HCFC2: variants seen among roughly 807,000 people sequenced by gnomAD.
The protein encoded by HCFC2 is host cell factor 2.
A neutral mutation model predicts 89.2 loss-of-function variants in HCFC2; 18 were observed. The ratio of observed to expected loss-of-function variants is 0.20; its 90% CI spans 0.14 to 0.30. The LOEUF (loss-of-function observed/expected upper bound fraction) is 0.30, where lower values mean the gene tolerates loss of function less well. HCFC2 is among the 10% of genes least tolerant of loss of function. The pLI, the probability that HCFC2 is intolerant of heterozygous loss-of-function variation, is 1.00. For missense variants in HCFC2, 578 were observed against 956.1 expected (o/e 0.60, Z 5.21); for synonymous variants, 308 against 335.7 (o/e 0.92, Z 0.90).
intron 5 of HCFC2, 146 bp downstream of exon 5, chr12:104,080,976 T>A (rs1272720387): frequency 1.8e-6 from 1 of 549,552 alleles, no homozygotes; most frequent in African/African-American, 2.0e-5. Context: ...TAAAATAATT[T>A]GTCTGTAGAA....
Position 104,066,177 on chromosome 12 carries a change from G to T in HCFC2, c.174G>T (p.Gln58His). The T allele has an allele frequency of 6.2e-7, 1 of 1,612,780 alleles. No homozygotes were observed. Among genetic ancestry groups the T allele is most frequent in the Non-Finnish European group, 8.5e-7 (1 of 1,179,654 alleles). Residue 58 changes from glutamine (Q) to histidine (H), a missense_variant, in exon 2 of 15, where the codon CAG becomes CAT. Physicochemically the swap from Gln to His is conservative, Grantham distance 24. This residue lies in a region of HCFC2 where 206 missense variants were observed against 419.2 expected (regional missense o/e 0.49). Coordinates refer to ENST00000229330, the MANE Select transcript of HCFC2 (RefSeq NM_013320.3). ...ELHVYNTATN[Q>H]WFLPAVRGDI... ...TATTTTGGCAACTAGCTACGAATCA[G>T]TGGTTTCTGCCAGCTGTTAGAGGAG...
chr12:104,080,711 G>T, intron 4 of HCFC2, 35 bp from the exon 5 acceptor site: 1 of 1,289,170 alleles, frequency 7.8e-7, no homozygotes, highest in Non-Finnish European at 1.1e-6. Flanking sequence ...ACTCTTGTTA[G>T]ATCAAGTTGC....
rs1883007052 is a variant in HCFC2 at position 104,064,777 on chromosome 12, G to A, written c.163+54G>A. ...GCCTGCTGGAGCTGCGGAGGGGGAG[G>A]GGAGGCGAGGCGGCGGCCGCGGCCC... On this transcript the variant is annotated intron_variant, in intron 1 of 14. Coordinates refer to ENST00000229330, the MANE Select transcript of HCFC2 (RefSeq NM_013320.3). The surrounding 1 kb of genome is among the most constrained non-coding windows in gnomAD (Gnocchi z 7.3). 9.4e-6 allele frequency: 14 copies of A among 1,493,950 alleles called. No homozygotes were observed. The highest frequency in any genetic ancestry group is 1.2e-5 in the Non-Finnish European group (14 of 1,121,722). The allele number at this position is 1,493,950 out of a possible 1,614,324, so 92.5% of individuals were successfully genotyped here.
At chr12:104,082,384 T>A (rs770284399) in intron 5 of HCFC2, 116 bp from the exon 6 acceptor site, 167 of 641,060 alleles carry the variant, frequency 2.6e-4, no homozygotes, top group Non-Finnish European at 4.0e-4. Context: ...GGTAAGCGAA[T>A]GAATAGTTCT....
intron 12 of HCFC2, among the ~76,000 whole-genome samples, chr12:104,097,422 G>A (rs911713888): frequency 6.6e-6 from 1 of 151,978 alleles, no homozygotes; most frequent in Non-Finnish European, 1.5e-5. Context: ...TTGAGTTGGA[G>A]CCAGTTGTTT....
Position 104,103,466 on chromosome 12 carries a change from A to C in HCFC2, c.*193A>C, listed in dbSNP as rs148300201. ...GAAAAGAAGCAAAGACTCTCTGAAA[A>C]TTAGTATATGAGTTCTTCCTTACAG... is the stretch of plus-strand genomic sequence containing the variant. On this transcript the variant is annotated 3_prime_UTR_variant, in exon 15 of 15. Coordinates refer to ENST00000229330, the MANE Select transcript of HCFC2 (RefSeq NM_013320.3). The C allele has an allele frequency of 5.4e-4, 297 of 552,522 alleles. 1 individual carries two copies. Among genetic ancestry groups the C allele is most frequent in the African/African-American group, 5.2e-3 (275 of 53,148 alleles). The allele number at this position is 552,522 out of a possible 1,614,324, so 34.2% of individuals were successfully genotyped here.
intron 3 of HCFC2, among the ~76,000 whole-genome samples, chr12:104,069,592 G>A (rs542548854): frequency 2.7e-5 from 4 of 148,862 alleles, no homozygotes; most frequent in Non-Finnish European, 5.9e-5. Flanking sequence ...GTCTTATTTC[G>A]CTTACCATAA....
chr12:104,079,354 G>GT, intron 3 of HCFC2, 91 bp from the exon 4 acceptor site: 2 of 1,057,134 alleles, frequency 1.9e-6, no homozygotes, highest in Non-Finnish European at 2.7e-6. Context: ...ACTTTTCACA[G>GT]TAAGCACATT....
rs577898480 is a variant in HCFC2 at position 104,090,423 on chromosome 12, C to G, written c.1284+2385C>G. On this transcript the variant is annotated intron_variant, in intron 9 of 14. Transcript: ENST00000229330. Reference sequence around the variant, plus strand: ...GAGTGCATGTCTTCATTTGGTGTGCCTCACCCAGTGGATCCCATTGTTCGG... The same window carrying G: ...GAGTGCATGTCTTCATTTGGTGTGCGTCACCCAGTGGATCCCATTGTTCGG... 1.1e-4 allele frequency among the ~76,000 whole-genome samples: 17 copies of G among 152,134 alleles called. 1 individual carries two copies. The highest frequency in any genetic ancestry group is 4.1e-4 in the African/African-American group (17 of 41,528).
intron 1 of HCFC2, chr12:104,065,359 C>G (rs1359308865): frequency 6.6e-6 from 1 of 152,344 alleles, no homozygotes; most frequent in African/African-American, 2.4e-5. Context: ...TTGAGCACCA[C>G]TGCAGATCAC....
At chr12:104,065,127 T>G (rs931900903) in intron 1 of HCFC2, 4 of 157,938 alleles carry the variant, frequency 2.5e-5, no homozygotes, top group African/African-American at 7.2e-5. Flanking sequence ...TTGCCTGCCT[T>G]CCTTCCTTAG....
At position 104,084,965 on chromosome 12, in the gene HCFC2, A is replaced by G. The variant is rs529007513; in HGVS notation, c.1064-1882A>G. On this transcript the variant is annotated intron_variant, in intron 7 of 14. Transcript: ENST00000229330. ...GGAGAAAATCAAGAGTTCCATTTAGACCATGCTAAGTTTGAAATAAGATCA... is the reference window on the plus strand; with the variant it reads ...GGAGAAAATCAAGAGTTCCATTTAGGCCATGCTAAGTTTGAAATAAGATCA... Among the ~76,000 whole-genome samples the G allele has an allele frequency of 2.0e-4, 31 of 152,288 alleles. 1 individual carries two copies. The South Asian group carries it at 6.2e-3, about 31-fold the overall frequency.
chr12:104,093,599 A>G (rs769509965), intron 10 of HCFC2, 36 bp downstream of exon 10: 1 of 1,520,616 alleles, frequency 6.6e-7, no homozygotes, highest in Non-Finnish European at 9.0e-7. Context: ...AGCTTTTTAT[A>G]AAATCGGTGG....
chr12:104,088,530 G>C (rs1289987946), intron 9 of HCFC2, among the ~76,000 whole-genome samples: 1 of 152,162 alleles, frequency 6.6e-6, no homozygotes, highest in African/African-American at 2.4e-5. Context: ...TCTTGTTTAT[G>C]AAGTGCATCA....
intron 13 of HCFC2, among the ~76,000 whole-genome samples, chr12:104,100,898 A>G (rs912828624): frequency 6.6e-6 from 1 of 152,168 alleles, no homozygotes; most frequent in African/African-American, 2.4e-5. Flanking sequence ...AAAATAGCCT[A>G]AAATTTAGAG....
At chr12:104,087,410 C>A (rs566697434) in intron 8 of HCFC2, among the ~76,000 whole-genome samples, 3 of 133,210 alleles carry the variant, frequency 2.3e-5, no homozygotes, top group African/African-American at 8.6e-5. Flanking sequence ...TACTGCAGTA[C>A]GTGTGTGTGT....
intron 3 of HCFC2, 86 bp from the exon 4 acceptor site, chr12:104,079,359 C>G: frequency 9.2e-7 from 1 of 1,085,514 alleles, no homozygotes; most frequent in East Asian, 2.6e-5. Context: ...TCACAGTAAG[C>G]ACATTTTATC....
chr12:104,071,969 C>T (rs1252599957), intron 3 of HCFC2, among the ~76,000 whole-genome samples: 1 of 152,144 alleles, frequency 6.6e-6, no homozygotes, highest in Non-Finnish European at 1.5e-5. Context: ...GGTGAAATTT[C>T]TATTCAAATA....
chr12:104,087,422 T>G (rs1367625187), intron 8 of HCFC2, among the ~76,000 whole-genome samples: 1 of 107,994 alleles, frequency 9.3e-6, no homozygotes. Context: ...TGTGTGTGTG[T>G]GTGTGTGTGT....
Sources: allele counts gnomAD v4.1 joint callset (sites outside exome capture counted in the v4.1 genomes callset), GRCh38; gene constraint gnomAD v4.1.1; regional missense constraint gnomAD v4.1.1; non-coding constraint Gnocchi (gnomAD v3.1); transcripts MANE v1.5; gene names NCBI Gene and HGNC (gene_info 2026-07-23, HGNC 2026-07-21).